MERTK: variants seen among roughly 807,000 people sequenced by gnomAD.
MERTK encodes tyrosine-protein kinase Mer.
In MERTK, 69 loss-of-function variants were observed where a neutral mutation model predicts 99.3. The observed-to-expected ratio is 0.70, with a 90% CI of 0.57 to 0.85. The LOEUF is 0.85. MERTK is among the 40% of genes least tolerant of loss of function. The pLI, the probability that MERTK is intolerant of heterozygous loss-of-function variation, is 0.00. For synonymous variants in MERTK, 426 were observed against 467.6 expected (o/e 0.91, Z 1.15); for missense variants, 1,125 against 1,249.4 (o/e 0.90, Z 1.50).
chr2:111,994,428 C>T (rs201525935), intron 9 of MERTK, 24 bp downstream of exon 9: 1 of 1,613,832 alleles, frequency 6.2e-7, no homozygotes, highest in African/African-American at 1.3e-5. Flanking sequence ...CCAGTAAGGG[C>T]TGATAGGATG....
In MERTK at chr2:112,029,527, A is replaced by G. The variant is rs1428821730; in HGVS notation, c.*663A>G. 1.8e-5 allele frequency: 3 copies of G among 162,222 alleles called. No homozygotes were observed. The highest frequency in any genetic ancestry group is 3.9e-5 in the Non-Finnish European group (3 of 77,224). The allele number at this position is 162,222 out of a possible 1,614,324, so 10.0% of individuals were successfully genotyped here. ...ATGGAAAAACCACACCAGGGTCTGT[A>G]GATAAGGAATAAAGAATATTGAAGG... On this transcript the variant is annotated 3_prime_UTR_variant, in exon 19 of 19. Coordinates refer to ENST00000295408, the MANE Select transcript of MERTK (RefSeq NM_006343.3).
At chr2:111,899,723 G>A (rs528172817) in intron 1 of MERTK, among the ~76,000 whole-genome samples, 2 of 152,156 alleles carry the variant, frequency 1.3e-5, no homozygotes, top group African/African-American at 4.8e-5. Context: ...TCACCATGTT[G>A]GCCAGGATGG....
intron 2 of MERTK, among the ~76,000 whole-genome samples, chr2:111,934,056 C>CGA (rs2104691744): frequency 6.6e-6 from 1 of 152,250 alleles, no homozygotes; most frequent in Non-Finnish European, 1.5e-5. Flanking sequence ...ATGAACTCAT[C>CGA]CTTTTTTATG....
intron 1 of MERTK, among the ~76,000 whole-genome samples, chr2:111,912,474 C>T (rs1329788846): frequency 2.6e-5 from 4 of 152,018 alleles, no homozygotes; most frequent in Admixed American, 6.6e-5. Context: ...TATCAAAACC[C>T]CTATCCAAGT....
intron 1 of MERTK, among the ~76,000 whole-genome samples, chr2:111,927,814 G>A (rs1684595475): frequency 6.6e-6 from 1 of 152,230 alleles, no homozygotes. Flanking sequence ...AGGGCATGAT[G>A]TCCTGAGCAT....
chr2:111,908,067 A>G (rs948498784), intron 1 of MERTK, among the ~76,000 whole-genome samples: 6 of 152,132 alleles, frequency 3.9e-5, no homozygotes, highest in Admixed American at 2.0e-4. Flanking sequence ...GCCTCTCTCT[A>G]TTACCCCATC....
At chr2:111,914,101 CTTTT>C (rs765850254) in intron 1 of MERTK, among the ~76,000 whole-genome samples, 64 of 94,434 alleles carry the variant, frequency 6.8e-4, no homozygotes, top group African/African-American at 1.0e-3. Flanking sequence ...TTCTTTCTTT[CTTTT>C]TTTTTTTTTT....
At chr2:111,910,302 T>C (rs901358216) in intron 1 of MERTK, among the ~76,000 whole-genome samples, 1 of 150,268 alleles carries the variant, frequency 6.7e-6, no homozygotes, top group Non-Finnish European at 1.5e-5. Context: ...AAAGTCTCGC[T>C]CTTGTCCCCC....
At chr2:111,975,601 GA>G (rs1229710168) in intron 7 of MERTK, 129 bp downstream of exon 7, 9 of 968,344 alleles carry the variant, frequency 9.3e-6, no homozygotes, top group Non-Finnish European at 1.5e-5. Context: ...GAAAATTATT[GA>G]GGCGACTGAT....
At chr2:111,992,482 G>C (rs1035327203) in intron 8 of MERTK, among the ~76,000 whole-genome samples, 1 of 152,168 alleles carries the variant, frequency 6.6e-6, no homozygotes, top group Non-Finnish European at 1.5e-5. Flanking sequence ...ACCAGGCATG[G>C]TGGGTCACGC....
At chr2:112,021,669 T>C in intron 17 of MERTK, 88 bp downstream of exon 17, 1 of 1,254,654 alleles carries the variant, frequency 8.0e-7, no homozygotes, top group Non-Finnish European at 1.2e-6. Flanking sequence ...TGGCAAGACA[T>C]TTTACTCTTT....
intron 18 of MERTK, among the ~76,000 whole-genome samples, chr2:112,024,023 C>T (rs375557875): frequency 7.2e-5 from 11 of 152,124 alleles, no homozygotes; most frequent in South Asian, 2.1e-4. Context: ...AGCTTCGTCC[C>T]GTTGGTAGTG....
chr2:112,010,174 T>C (rs1321326291), intron 15 of MERTK, 108 bp downstream of exon 15: 8 of 875,864 alleles, frequency 9.1e-6, no homozygotes, highest in Non-Finnish European at 1.5e-5. Flanking sequence ...GGAGAGGACG[T>C]TGACTTTTGT....
chr2:111,940,437 A>G (rs1010626714), intron 2 of MERTK: 2 of 547,508 alleles, frequency 3.7e-6, no homozygotes, highest in South Asian at 1.4e-5. Context: ...GAATTTGAGT[A>G]GCTTCATTAA....
At chr2:111,954,209 G>T (rs530826141) in intron 4 of MERTK, among the ~76,000 whole-genome samples, 76 of 152,342 alleles carry the variant, frequency 5.0e-4, no homozygotes, top group African/African-American at 1.8e-3. Flanking sequence ...TGCCTCACCT[G>T]CAAAGGCACC....
At position 112,028,463 on chromosome 2, in the gene MERTK, C is replaced by G. The variant is rs754043160; in HGVS notation, c.2599C>G (p.Gln867Glu). The change falls in exon 19 of 19, where the codon CAA becomes GAA. Residue 867 changes from glutamine to glutamate, a missense_variant. Coordinates refer to ENST00000295408, the MANE Select transcript of MERTK (RefSeq NM_006343.3). Reference protein sequence around the residue: ...LLESLPDVRNQADVIYVNTQL... With the variant: ...LLESLPDVRNEADVIYVNTQL... ...AGAAAGTTTGCCTGACGTTCGGAAC[C>G]AAGCAGACGTTATTTACGTCAATAC... 9 of 1,614,072 alleles carry G rather than the reference C, an allele frequency of 5.6e-6. No individual in the cohort carries two copies. The highest frequency in any genetic ancestry group is 6.8e-6 in the Non-Finnish European group (8 of 1,180,054).
At chr2:111,910,610 G>GTGTA (rs370882764) in intron 1 of MERTK, among the ~76,000 whole-genome samples, 10 of 143,586 alleles carry the variant, frequency 7.0e-5, no homozygotes, top group African/African-American at 1.0e-4. Context: ...GTGTGTGTGT[G>GTGTA]TATATATATA....
At chr2:111,976,597 CACACATATAT>C (rs1343347453) in intron 7 of MERTK, among the ~76,000 whole-genome samples, 1 of 150,690 alleles carries the variant, frequency 6.6e-6, no homozygotes, top group Non-Finnish European at 1.5e-5. Flanking sequence ...TGTACATATA[CACACATATAT>C]ACACATAAAA....
intron 1 of MERTK, among the ~76,000 whole-genome samples, chr2:111,919,017 A>G (rs1306507685): frequency 6.6e-6 from 1 of 152,198 alleles, no homozygotes; most frequent in Non-Finnish European, 1.5e-5. Flanking sequence ...AAACTGTCTC[A>G]TTTTACAGAA....
Sources: gnomAD v4.1 joint callset for allele counts (sites outside exome capture counted in the v4.1 genomes callset) on GRCh38, gnomAD v4.1.1 for gene constraint, MANE v1.5 for transcripts, NCBI Gene and HGNC (gene_info 2026-07-23, HGNC 2026-07-21) for gene names.